EXOC6B: variants seen among roughly 807,000 people sequenced by gnomAD.
The protein encoded by EXOC6B is SEC15 homolog B.
A neutral mutation model predicts 113.5 loss-of-function variants in EXOC6B; 54 were observed. That is an observed-to-expected ratio of 0.48 (90% CI 0.38 to 0.60). EXOC6B has a LOEUF of 0.60. EXOC6B is among the 20% of genes least tolerant of loss of function. EXOC6B has a pLI of 0.00. For missense variants in EXOC6B, 797 were observed against 977.5 expected (o/e 0.82, Z 2.46); for synonymous variants, 357 against 339.0 (o/e 1.05, Z -0.58).
intron 6 of EXOC6B, among the ~76,000 whole-genome samples, chr2:72,630,941 T>C (rs189665111): frequency 4.6e-5 from 7 of 152,290 alleles, no homozygotes; most frequent in East Asian, 1.9e-4. Flanking sequence ...AGGAGAAACA[T>C]TGGCACTATA....
chr2:72,193,022 C>G (rs17007933), intron 20 of EXOC6B, among the ~76,000 whole-genome samples: 14,839 of 152,162 alleles, frequency 0.098, 1,201 homozygotes, highest in African/African-American at 0.23. Context: ...AACACTAACC[C>G]CAGAGCAGCT....
At chr2:72,408,841 G>A (rs1318701144) in intron 18 of EXOC6B, among the ~76,000 whole-genome samples, 1 of 152,144 alleles carries the variant, frequency 6.6e-6, no homozygotes, top group East Asian at 1.9e-4. Flanking sequence ...AAAAGCAATG[G>A]CAGCAAAAGA....
chr2:72,586,377 T>G (rs1249124285), intron 6 of EXOC6B, among the ~76,000 whole-genome samples: 4 of 152,070 alleles, frequency 2.6e-5, no homozygotes, highest in Non-Finnish European at 4.4e-5. Flanking sequence ...ATAAGGAACT[T>G]GAACAATTCA....
At chr2:72,807,759 C>A (rs2105111242) in intron 1 of EXOC6B, among the ~76,000 whole-genome samples, 1 of 151,150 alleles carries the variant, frequency 6.6e-6, no homozygotes, top group African/African-American at 2.4e-5. Context: ...TGAACTAATG[C>A]AGATAGAGAG....
chr2:72,196,329 T>C (rs973287872), intron 20 of EXOC6B, among the ~76,000 whole-genome samples: 3 of 152,092 alleles, frequency 2.0e-5, no homozygotes, highest in Non-Finnish European at 2.9e-5. Flanking sequence ...CATTAAGGGA[T>C]CGTAAAGCAG....
chr2:72,674,303 A>T (rs1457554444), intron 6 of EXOC6B, among the ~76,000 whole-genome samples: 1 of 152,148 alleles, frequency 6.6e-6, no homozygotes, highest in Non-Finnish European at 1.5e-5. Flanking sequence ...GATTTCTCTC[A>T]AGTGTTGCTC....
intron 2 of EXOC6B, among the ~76,000 whole-genome samples, chr2:72,735,385 T>C (rs1239239737): frequency 6.6e-6 from 1 of 152,218 alleles, no homozygotes; most frequent in Non-Finnish European, 1.5e-5. Context: ...CACTCTCTTG[T>C]TTTCTATTCA....
At chr2:72,806,541 T>A (rs939168520) in intron 1 of EXOC6B, among the ~76,000 whole-genome samples, 1 of 152,246 alleles carries the variant, frequency 6.6e-6, no homozygotes, top group Non-Finnish European at 1.5e-5. Flanking sequence ...CCTTTAGGTA[T>A]ATACCCAGTA....
intron 6 of EXOC6B, among the ~76,000 whole-genome samples, chr2:72,590,118 T>C (rs1705838675): frequency 6.6e-6 from 1 of 151,984 alleles, no homozygotes; most frequent in African/African-American, 2.4e-5. Context: ...TTTGGTAATG[T>C]TGTGGATAGA....
At chr2:72,499,109 A>C (rs1048369173) in intron 12 of EXOC6B, among the ~76,000 whole-genome samples, 4 of 152,172 alleles carry the variant, frequency 2.6e-5, no homozygotes, top group South Asian at 4.1e-4. Flanking sequence ...ACTACATATG[A>C]AAACATAATG....
chr2:72,673,070 TAA>T (rs1309118675), intron 6 of EXOC6B, among the ~76,000 whole-genome samples: 6 of 152,064 alleles, frequency 3.9e-5, no homozygotes, highest in Admixed American at 3.9e-4. Context: ...TATGTATCAA[TAA>T]AAAAGAAAAT....
chr2:72,514,059 G>A (rs184555075), intron 10 of EXOC6B, among the ~76,000 whole-genome samples: 7 of 151,974 alleles, frequency 4.6e-5, no homozygotes, highest in Non-Finnish European at 8.8e-5. Context: ...ATGTAATTCC[G>A]TACCACTATA....
At position 72,650,549 on chromosome 2, in the gene EXOC6B, G is replaced by A. The variant is rs141929967; in HGVS notation, c.669+67554C>T. Among the ~76,000 whole-genome samples the A allele has an allele frequency of 5.5e-3, 836 of 151,618 alleles. 9 individuals are homozygous for A. The highest frequency in any genetic ancestry group is 0.019 in the African/African-American group (788 of 41,322). ...CCGGGAGGTGGAGTGAGCCGAGATC[G>A]CGCCACTGCACTCCAGCCTGGGTAA... On this transcript the variant is annotated intron_variant, in intron 6 of 21. Transcript: ENST00000272427.
chr2:72,585,779 A>C (rs1412969667), intron 6 of EXOC6B, among the ~76,000 whole-genome samples: 2 of 152,140 alleles, frequency 1.3e-5, no homozygotes, highest in African/African-American at 4.8e-5. Flanking sequence ...ACCAATATCG[A>C]GTTCCAAAAT....
At chr2:72,766,678 G>A (rs913390842) in intron 1 of EXOC6B, among the ~76,000 whole-genome samples, 1 of 152,018 alleles carries the variant, frequency 6.6e-6, no homozygotes, top group African/African-American at 2.4e-5. Context: ...TTGAGGTTGG[G>A]CACAGTGGCT....
intron 6 of EXOC6B, among the ~76,000 whole-genome samples, chr2:72,634,240 A>G (rs1475200925): frequency 1.3e-5 from 2 of 152,256 alleles, no homozygotes; most frequent in Non-Finnish European, 2.9e-5. Flanking sequence ...GTATTTGTAC[A>G]ATCCTAGTGC....
intron 18 of EXOC6B, among the ~76,000 whole-genome samples, chr2:72,401,622 CATATATATATATATACATATATACAT>C (rs1693294980): frequency 4.8e-4 from 7 of 14,494 alleles, no homozygotes; most frequent in African/African-American, 7.2e-4. Context: ...TATATATATA[CATATATATATATATACATATATACAT>C]ATATATATAT....
At chr2:72,412,930 T>TTCTCTTTC (rs566364179) in intron 18 of EXOC6B, among the ~76,000 whole-genome samples, 1 of 151,960 alleles carries the variant, frequency 6.6e-6, no homozygotes, top group African/African-American at 2.4e-5. Flanking sequence ...CTTTCCTTCC[T>TTCTCTTTC]TCTCTTTCTC....
At chr2:72,406,770 A>C (rs1693800463) in intron 18 of EXOC6B, among the ~76,000 whole-genome samples, 1 of 152,210 alleles carries the variant, frequency 6.6e-6, no homozygotes, top group Admixed American at 6.5e-5. Context: ...TAAAATGGAC[A>C]CCCTAACATC....
Sources: allele counts gnomAD v4.1 joint callset (sites outside exome capture counted in the v4.1 genomes callset), GRCh38; gene constraint gnomAD v4.1.1; transcripts MANE v1.5; gene names NCBI Gene and HGNC (gene_info 2026-07-23, HGNC 2026-07-21).